Variants in CPNE4 observed in about 807,000 individuals in gnomAD.
The protein encoded by CPNE4 is copine 4, also known as copine-4.
In CPNE4, 25 loss-of-function variants were observed where a neutral mutation model predicts 67.9. That is an observed-to-expected ratio of 0.37 (90% CI 0.27 to 0.51). The LOEUF is 0.51. CPNE4 is among the 20% of genes least tolerant of loss of function. The pLI, the probability that CPNE4 is intolerant of heterozygous loss-of-function variation, is 0.93. For synonymous variants in CPNE4, 242 were observed against 244.9 expected (o/e 0.99, Z 0.11); for missense variants, 464 against 690.8 (o/e 0.67, Z 3.68).
intron 3 of CPNE4, among the ~76,000 whole-genome samples, chr3:131,704,816 G>T (rs796938211): frequency 1.1e-4 from 17 of 152,212 alleles, no homozygotes; most frequent in African/African-American, 3.9e-4. Flanking sequence ...AGAAATTAAG[G>T]AGTTCATCTA....
At chr3:131,737,113 G>GTTTTTTTTTTTTTTTT (rs1186119702) in intron 2 of CPNE4, among the ~76,000 whole-genome samples, 1 of 82,888 alleles carries the variant, frequency 1.2e-5, no homozygotes, top group Non-Finnish European at 2.4e-5. Context: ...GAAGTATTGT[G>GTTTTTTTTTTTTTTTT]TCTTTTTTTT....
At chr3:131,627,374 CATAAT>C (rs2079106336) in intron 7 of CPNE4, among the ~76,000 whole-genome samples, 7 of 152,224 alleles carry the variant, frequency 4.6e-5, no homozygotes, top group African/African-American at 1.7e-4. Flanking sequence ...AGAGTCCTTT[CATAAT>C]ATTACTGCTC....
chr3:131,874,810 T>C (rs982181487), intron 2 of CPNE4, among the ~76,000 whole-genome samples: 3 of 152,120 alleles, frequency 2.0e-5, no homozygotes, highest in African/African-American at 7.2e-5. Flanking sequence ...ATGGGAAACG[T>C]TGGAAAAAAC....
At chr3:131,963,575 T>C (rs1332803950) in intron 1 of CPNE4, among the ~76,000 whole-genome samples, 1 of 152,154 alleles carries the variant, frequency 6.6e-6, no homozygotes, top group Non-Finnish European at 1.5e-5. Flanking sequence ...CCACCATTAC[T>C]GAGGCTTGAG....
upstream of CPNE4, among the ~76,000 whole-genome samples, chr3:132,039,091 T>C (rs2074376462): frequency 6.6e-6 from 1 of 152,236 alleles, no homozygotes; most frequent in South Asian, 2.1e-4. Context: ...AAGTGGCTAG[T>C]AGCTAACATC....
chr3:131,608,253 G>A (rs1462085924), intron 7 of CPNE4, among the ~76,000 whole-genome samples: 1 of 152,146 alleles, frequency 6.6e-6, no homozygotes, highest in Non-Finnish European at 1.5e-5. Flanking sequence ...TTGGAACACA[G>A]TAGGGGAAGT....
intron 1 of CPNE4, among the ~76,000 whole-genome samples, chr3:132,029,396 T>C (rs557061502): frequency 6.6e-6 from 1 of 152,078 alleles, no homozygotes; most frequent in Non-Finnish European, 1.5e-5. Context: ...TATCTTGGGG[T>C]TGGGTCAAAC....
chr3:131,757,847 G>A (rs1345519181), intron 2 of CPNE4, among the ~76,000 whole-genome samples: 1 of 152,194 alleles, frequency 6.6e-6, no homozygotes, highest in Non-Finnish European at 1.5e-5. Context: ...TGGCTGAAAG[G>A]GGACAACATA....
At chr3:132,014,817 A>G (rs372382853) in intron 1 of CPNE4, among the ~76,000 whole-genome samples, 1 of 152,216 alleles carries the variant, frequency 6.6e-6, no homozygotes, top group Non-Finnish European at 1.5e-5. Flanking sequence ...ATATACTTCC[A>G]AAGTCATTGT....
At chr3:131,728,116 G>A (rs1022537468) in intron 2 of CPNE4, among the ~76,000 whole-genome samples, 1 of 152,204 alleles carries the variant, frequency 6.6e-6, no homozygotes, top group Non-Finnish European at 1.5e-5. Context: ...TCTAGTAGGT[G>A]TGGAGTGGTC....
At chr3:131,985,779 C>T (rs2073027399) in intron 1 of CPNE4, 1 of 153,720 alleles carries the variant, frequency 6.5e-6, no homozygotes, top group Non-Finnish European at 1.5e-5. Context: ...AAGTGAGATG[C>T]TGTAATAAAA....
chr3:131,855,207 C>T (rs1219733522), intron 2 of CPNE4, among the ~76,000 whole-genome samples: 1 of 151,882 alleles, frequency 6.6e-6, no homozygotes, highest in Non-Finnish European at 1.5e-5. Flanking sequence ...TCCTTTGGGC[C>T]CCATGGTACT....
At chr3:131,716,391 G>A (rs1197531065) in intron 3 of CPNE4, among the ~76,000 whole-genome samples, 1 of 151,986 alleles carries the variant, frequency 6.6e-6, no homozygotes, top group East Asian at 1.9e-4. Flanking sequence ...TCAGAGACCT[G>A]ATTTAAAACA....
intron 3 of CPNE4, among the ~76,000 whole-genome samples, chr3:131,712,445 A>T (rs1445447925): frequency 1.3e-5 from 2 of 152,202 alleles, no homozygotes; most frequent in Non-Finnish European, 2.9e-5. Context: ...TAATGGCTAC[A>T]TTTGATATTC....
chr3:131,698,027 C>T (rs948774856), intron 4 of CPNE4, among the ~76,000 whole-genome samples: 4 of 151,434 alleles, frequency 2.6e-5, no homozygotes, highest in African/African-American at 7.3e-5. Context: ...GTCAGGAGAT[C>T]GAGACCATCC....
chr3:131,622,903 T>C (rs1233267061), intron 7 of CPNE4, among the ~76,000 whole-genome samples: 1 of 152,200 alleles, frequency 6.6e-6, no homozygotes, highest in Non-Finnish European at 1.5e-5. Flanking sequence ...AAGTTTATCA[T>C]AGCTTAAGTT....
At chr3:131,890,115 G>A (rs369864853) in intron 2 of CPNE4, among the ~76,000 whole-genome samples, 12 of 152,040 alleles carry the variant, frequency 7.9e-5, no homozygotes, top group Non-Finnish European at 1.2e-4. Flanking sequence ...AAGTTTATGC[G>A]CGACACAGAA....
intron 1 of CPNE4, among the ~76,000 whole-genome samples, chr3:132,028,795 T>C (rs1414540401): frequency 1.3e-5 from 2 of 150,752 alleles, no homozygotes; most frequent in African/African-American, 4.9e-5. Context: ...GCTGTAAGTA[T>C]AAAAATACAT....
chr3:131,986,830 C>CA (rs369896508), intron 1 of CPNE4, among the ~76,000 whole-genome samples: 37,281 of 86,522 alleles, frequency 0.43, 5,557 homozygotes, highest in Non-Finnish European at 0.46. Flanking sequence ...GACTCGGTCT[C>CA]AAAAAAAAAA....
Sources: gnomAD v4.1 joint callset for allele counts (sites outside exome capture counted in the v4.1 genomes callset) on GRCh38, gnomAD v4.1.1 for gene constraint, MANE v1.5 for transcripts, NCBI Gene and HGNC (gene_info 2026-07-23, HGNC 2026-07-21) for gene names.